The following SYNPO2 variants were observed in gnomAD, a reference collection of about 807,000 sequenced individuals.
The protein encoded by SYNPO2 is synaptopodin 2.
SYNPO2 carries 56 observed loss-of-function variants against 85.0 expected under a neutral mutation model. The observed-to-expected ratio is 0.66, with a 90% confidence interval of 0.53 to 0.82. SYNPO2 has a LOEUF of 0.82. Ranked by LOEUF, SYNPO2 falls within the 40% of genes least tolerant of loss-of-function variation. SYNPO2 has a pLI of 0.00. For synonymous variants in SYNPO2, 602 were observed against 591.1 expected (o/e 1.02, Z -0.27); for missense variants, 1,575 against 1,534.2 (o/e 1.03, Z -0.44).
rs571621335 is a variant in SYNPO2 at position 118,929,572 on chromosome 4, C to T, written c.105+40431C>T. Among the ~76,000 whole-genome samples, 188 of 152,212 alleles carry T rather than the reference C, an allele frequency of 1.2e-3. 1 individual carries two copies. The highest frequency in any genetic ancestry group is 4.3e-3 in the African/African-American group (180 of 41,560). On this transcript the variant is annotated intron_variant, in intron 1 of 4. Coordinates refer to ENST00000307142, the MANE Select transcript of SYNPO2 (RefSeq NM_133477.3). ...AAGAACTTGTACTTCATTTATTCTT[C>T]AATGGAATCCCGCCCCTCACTTTAG...
At chr4:118,881,715 C>G (rs796616145) in intron 1 of SYNPO2, among the ~76,000 whole-genome samples, 2 of 152,130 alleles carry the variant, frequency 1.3e-5, no homozygotes, top group Admixed American at 6.5e-5. Flanking sequence ...AAGTGAGAGA[C>G]GGCACATAGA....
intron 1 of SYNPO2, among the ~76,000 whole-genome samples, chr4:118,961,717 A>G (rs942108839): frequency 1.3e-5 from 2 of 152,174 alleles, no homozygotes; most frequent in Non-Finnish European, 2.9e-5. Flanking sequence ...CATCTAGACT[A>G]CTACCTGGCC....
chr4:118,953,083 C>G (rs145086336), intron 1 of SYNPO2, among the ~76,000 whole-genome samples: 3 of 152,154 alleles, frequency 2.0e-5, no homozygotes, highest in Non-Finnish European at 4.4e-5. Context: ...CTCAATGTAA[C>G]TAACAGAAGT....
intron 1 of SYNPO2, among the ~76,000 whole-genome samples, chr4:118,904,333 T>G (rs1732860386): frequency 6.6e-6 from 1 of 152,184 alleles, no homozygotes; most frequent in Non-Finnish European, 1.5e-5. Context: ...ACTCAGTGAT[T>G]TTTGAGACCC....
chr4:118,924,516 C>T (rs1030894364), intron 1 of SYNPO2, among the ~76,000 whole-genome samples: 1 of 152,116 alleles, frequency 6.6e-6, no homozygotes, highest in African/African-American at 2.4e-5. Flanking sequence ...CAAAGAAGCC[C>T]GAGCCCTTGG....
chr4:118,933,829 G>GTTTTTTTTTTTTTTTTTTTTTTTTTTTTT lies in SYNPO2; in HGVS notation c.105+44705_105+44706insTTTTTTTTTTTTTTTTTTTTTTTTTTTTT, dbSNP rs71595334. Among the ~76,000 whole-genome samples the GTTTTTTTTTTTTTTTTTTTTTTTTTTTTT allele has an allele frequency of 2.0e-5, 2 of 102,318 alleles. 1 individual carries two copies. Among genetic ancestry groups the GTTTTTTTTTTTTTTTTTTTTTTTTTTTTT allele is most frequent in the Non-Finnish European group, 3.8e-5 (2 of 52,162 alleles). 67.1% of individuals were successfully genotyped at this position (102,318 alleles called of 152,430 possible). A position where few individuals can be genotyped will look rare whatever the true frequency, so the allele number is the denominator to read the frequency against. On this transcript the variant is annotated intron_variant, in intron 1 of 4. Coordinates refer to ENST00000307142, the MANE Select transcript of SYNPO2 (RefSeq NM_133477.3). ...ATAGCTGCTTTTTGCTGTTGTTGTT[G>GTTTTTTTTTTTTTTTTTTTTTTTTTTTTT]TTTTTTTTTTTTTTTTTGGACAGTA...
intron 1 of SYNPO2, among the ~76,000 whole-genome samples, chr4:118,994,746 T>C (rs1180836379): frequency 6.6e-6 from 1 of 152,204 alleles, no homozygotes; most frequent in Non-Finnish European, 1.5e-5. Context: ...ATAAACATCT[T>C]GGACATCTAA....
intron 1 of SYNPO2, among the ~76,000 whole-genome samples, chr4:118,930,917 CAAAA>C (rs55944813): frequency 0.61 from 76,393 of 124,418 alleles, 22,410 homozygotes; most frequent in East Asian, 0.82. Context: ...TACCTTGCCT[CAAAA>C]AAAAAAAAAA....
chr4:118,886,451 G>A (rs1261884359), upstream of SYNPO2, among the ~76,000 whole-genome samples: 5 of 152,128 alleles, frequency 3.3e-5, no homozygotes, highest in Non-Finnish European at 7.4e-5. Context: ...CCCTCCCTGT[G>A]TCTATGTGTT....
chr4:118,885,757 C>T (rs1363851201), upstream of SYNPO2, among the ~76,000 whole-genome samples: 1 of 152,164 alleles, frequency 6.6e-6, no homozygotes, highest in Non-Finnish European at 1.5e-5. Flanking sequence ...GCTGGGATTA[C>T]AGGCATGCAG....
At chr4:119,001,743 C>T (rs1736830505) in intron 1 of SYNPO2, among the ~76,000 whole-genome samples, 1 of 152,130 alleles carries the variant, frequency 6.6e-6, no homozygotes, top group African/African-American at 2.4e-5. Flanking sequence ...AAAAGCAAAA[C>T]ATATTCTTTT....
chr4:118,877,147 C>A lies in SYNPO2; in HGVS notation c.12+26207C>A, dbSNP rs145052497. 4.3e-4 allele frequency among the ~76,000 whole-genome samples: 65 copies of A among 152,140 alleles called. 1 individual carries two copies. The East Asian group carries it at 0.012, about 28-fold the overall frequency. Reference sequence around the variant, plus strand: ...AATGAATGAACTATAAACTTAAAAGCACATAAATGTGTTTTCAGTTTGCTC... The same window carrying A: ...AATGAATGAACTATAAACTTAAAAGAACATAAATGTGTTTTCAGTTTGCTC... On this transcript the variant is annotated intron_variant, in intron 1 of 4. Coordinates refer to the SYNPO2 transcript ENST00000610556.
chr4:118,930,830 A>G (rs1047354001), intron 1 of SYNPO2, among the ~76,000 whole-genome samples: 1 of 150,852 alleles, frequency 6.6e-6, no homozygotes, highest in Non-Finnish European at 1.5e-5. Flanking sequence ...AGGTGGGTGG[A>G]TCACTTGAGC....
At chr4:118,883,164 C>G (rs1425774044) in intron 1 of SYNPO2, among the ~76,000 whole-genome samples, 1 of 151,886 alleles carries the variant, frequency 6.6e-6, no homozygotes, top group Non-Finnish European at 1.5e-5. Flanking sequence ...CATGACGCAT[C>G]TTTCCTGGTT....
intron 1 of SYNPO2, chr4:118,851,004 C>A (rs1731411603): frequency 5.0e-6 from 2 of 398,558 alleles, no homozygotes; most frequent in South Asian, 2.6e-4. Context: ...ACTCATTACT[C>A]ATTATTGCCT....
chr4:119,005,443 T>C (rs1736999054), intron 1 of SYNPO2, among the ~76,000 whole-genome samples: 3 of 149,720 alleles, frequency 2.0e-5, no homozygotes, highest in Non-Finnish European at 4.4e-5. Flanking sequence ...GCTTTCTACA[T>C]ATGGCTAGCC....
chr4:118,927,697 G>GAT (rs1733760998), intron 1 of SYNPO2, among the ~76,000 whole-genome samples: 1 of 124,868 alleles, frequency 8.0e-6, no homozygotes, highest in East Asian at 2.4e-4. Flanking sequence ...ATTAAACAAT[G>GAT]AGATAGATAG....
chr4:119,037,047 T>C, intron 4 of SYNPO2: 1 of 1,455,810 alleles, frequency 6.9e-7, no homozygotes, highest in Non-Finnish European at 9.1e-7. Flanking sequence ...GTAAAGCTCC[T>C]TGTGTTTACC....
chr4:118,862,202 A>G (rs1039215363), intron 1 of SYNPO2, among the ~76,000 whole-genome samples: 3 of 152,154 alleles, frequency 2.0e-5, no homozygotes, highest in Admixed American at 6.5e-5. Flanking sequence ...CAACTTTACC[A>G]AATTTGTTTA....
Sources: allele counts gnomAD v4.1 joint callset (sites outside exome capture counted in the v4.1 genomes callset), GRCh38; gene constraint gnomAD v4.1.1; transcripts MANE v1.5; gene names NCBI Gene and HGNC (gene_info 2026-07-23, HGNC 2026-07-21).